The following PALLD variants were observed in gnomAD, a reference collection of about 807,000 sequenced individuals.
The protein encoded by PALLD is palladin.
PALLD carries 61 observed loss-of-function variants against 123.5 expected under a neutral mutation model. The observed-to-expected ratio is 0.49, with a 90% CI of 0.40 to 0.61. The LOEUF (loss-of-function observed/expected upper bound fraction) is 0.61. Among genes scored for constraint, PALLD ranks in the 20% least tolerant of loss-of-function variants. PALLD has a pLI of 0.00. For synonymous variants in PALLD, 465 were observed against 496.4 expected (o/e 0.94, Z 0.84); for missense variants, 1,273 against 1,377.0 (o/e 0.92, Z 1.20).
At chr4:168,914,144 A>G in intron 16 of PALLD, 123 bp downstream of exon 16, 1 of 718,580 alleles carries the variant, frequency 1.4e-6, no homozygotes, top group South Asian at 1.5e-5. Flanking sequence ...ATAGGAATGC[A>G]AACCTGAAGC....
chr4:168,889,152 G>A (rs1281908664), intron 10 of PALLD, among the ~76,000 whole-genome samples: 4 of 147,560 alleles, frequency 2.7e-5, no homozygotes, highest in Non-Finnish European at 6.0e-5. Context: ...GTGTGTGTGT[G>A]TGTGTGTGTG....
chr4:168,804,953 G>A (rs1462430541), intron 10 of PALLD, among the ~76,000 whole-genome samples: 2 of 152,158 alleles, frequency 1.3e-5, no homozygotes, highest in Non-Finnish European at 2.9e-5. Context: ...GAGGTCAGGA[G>A]TTCAAGACCA....
chr4:168,634,486 A>G (rs148416164), intron 2 of PALLD, among the ~76,000 whole-genome samples: 90 of 152,342 alleles, frequency 5.9e-4, no homozygotes, highest in African/African-American at 2.0e-3. Context: ...ATGTTGTGCT[A>G]TTCTGCAGCC....
At chr4:168,871,415 A>G (rs903711286) in intron 10 of PALLD, among the ~76,000 whole-genome samples, 3 of 152,200 alleles carry the variant, frequency 2.0e-5, no homozygotes, top group African/African-American at 7.2e-5. Context: ...TCTGTCTCAC[A>G]GGGAGCTTTT....
rs575761366 is a variant in PALLD, at chr4:168,886,435, A to G, written c.1965-4487A>G. Reference sequence around the variant, plus strand: ...AGCAGGAAGATCCCTTGAGCCCAGGAGTTTGAGACCAGCCTGGGCAACATA... The same window carrying G: ...AGCAGGAAGATCCCTTGAGCCCAGGGGTTTGAGACCAGCCTGGGCAACATA... On this transcript the variant is annotated intron_variant, in intron 10 of 21. Transcript: ENST00000505667. Among the ~76,000 whole-genome samples the G allele has an allele frequency of 5.4e-4, 83 of 152,300 alleles. 4 individuals carry two copies. The South Asian group carries it at 0.017, about 31-fold the overall frequency.
At chr4:168,793,566 C>G (rs907608653) in intron 10 of PALLD, among the ~76,000 whole-genome samples, 1 of 151,960 alleles carries the variant, frequency 6.6e-6, no homozygotes, top group Non-Finnish European at 1.5e-5. Flanking sequence ...CCTGGCTCTG[C>G]GACTCACTAG....
At position 168,594,969 on chromosome 4, in the gene PALLD, G is replaced by A. The variant is rs149199462; in HGVS notation, c.909-73221G>A. ...TCAATTAACAGAATCTTCTTACAGA[G>A]TAATCTATTTCATGTAAATGAATTA... is the stretch of plus-strand genomic sequence containing the variant. On this transcript the variant is annotated intron_variant, in intron 2 of 21. Coordinates refer to ENST00000505667, the MANE Select transcript of PALLD (RefSeq NM_001166108.2). 2.1e-3 allele frequency among the ~76,000 whole-genome samples: 318 copies of A among 152,264 alleles called. 3 individuals are homozygous for A. Among genetic ancestry groups the A allele is most frequent in the Middle Eastern group, 0.017 (5 of 294 alleles).
Position 168,711,809 on chromosome 4 carries a change from G to A in PALLD, c.1850G>A (p.Arg617His), listed in dbSNP as rs777840156. Residue 617 changes from arginine (R) to histidine (H), a missense_variant, in exon 10 of 22, where the codon CGT (arginine) becomes CAT (histidine). This residue lies in a region of PALLD where 944 missense variants were observed against 954.5 expected (regional missense o/e 0.99). Coordinates refer to ENST00000505667, the MANE Select transcript of PALLD (RefSeq NM_001166108.2). ...ERETNGVHPSRGVNGLINGKA... is the reference protein window; with the variant it reads ...ERETNGVHPSHGVNGLINGKA... ...GAAACGAACGGAGTCCATCCCAGCC[G>A]TGGAGTAAATGGACTGATTAACGGC... 3.6e-5 allele frequency: 58 copies of A among 1,613,966 alleles called. No homozygotes were observed. The highest frequency in any genetic ancestry group is 1.6e-4 in the Middle Eastern group (1 of 6,084).
At chr4:168,532,452 T>C (rs183197726) in intron 2 of PALLD, among the ~76,000 whole-genome samples, 58 of 152,294 alleles carry the variant, frequency 3.8e-4, no homozygotes, top group African/African-American at 1.3e-3. Context: ...AATGAATGAA[T>C]AGGACCAATC....
intron 2 of PALLD, among the ~76,000 whole-genome samples, chr4:168,599,832 C>T (rs1772366000): frequency 1.3e-5 from 2 of 151,974 alleles, no homozygotes; most frequent in Admixed American, 6.6e-5. Flanking sequence ...ATGTATGTAA[C>T]CATGAAATTT....
chr4:168,826,139 G>A (rs1179104610), intron 10 of PALLD, among the ~76,000 whole-genome samples: 1 of 152,130 alleles, frequency 6.6e-6, no homozygotes, highest in Admixed American at 6.5e-5. Context: ...GGAATCTGTG[G>A]ATGATTCCTT....
At chr4:168,576,521 A>T (rs1025887094) in intron 2 of PALLD, among the ~76,000 whole-genome samples, 3 of 152,118 alleles carry the variant, frequency 2.0e-5, no homozygotes, top group African/African-American at 7.2e-5. Flanking sequence ...TTTGCTGAGA[A>T]TGATGGTTTC....
intron 10 of PALLD, among the ~76,000 whole-genome samples, chr4:168,761,665 T>TGTAG (rs1732940654): frequency 7.8e-6 from 1 of 128,952 alleles, no homozygotes; most frequent in African/African-American, 3.1e-5. Flanking sequence ...TTTTTTTTTT[T>TGTAG]TTTTTTTTTT....
intron 17 of PALLD, among the ~76,000 whole-genome samples, chr4:168,917,902 A>C (rs1760532613): frequency 6.6e-6 from 1 of 152,064 alleles, no homozygotes; most frequent in Admixed American, 6.5e-5. Context: ...TATATATCCG[A>C]GGAAAATGAA....
At chr4:168,586,539 T>C (rs928281582) in intron 2 of PALLD, among the ~76,000 whole-genome samples, 4 of 152,138 alleles carry the variant, frequency 2.6e-5, no homozygotes, top group African/African-American at 7.2e-5. Flanking sequence ...CTGGTAAAAC[T>C]GAGATAGCCA....
At chr4:168,530,774 T>C (rs1764530503) in intron 2 of PALLD, 1 of 152,166 alleles carries the variant, frequency 6.6e-6, no homozygotes, top group Non-Finnish European at 1.5e-5. Context: ...AGAAGGCAGG[T>C]CATCTGGAAA....
chr4:168,762,878 A>G (rs554887388), intron 10 of PALLD, among the ~76,000 whole-genome samples: 1 of 152,348 alleles, frequency 6.6e-6, no homozygotes, highest in South Asian at 2.1e-4. Flanking sequence ...CTTTGCAGGG[A>G]TATGGATGAA....
rs116124226 is a variant in PALLD, at chr4:168,504,260, G to A, written c.-83+7066G>A. 1.8e-3 allele frequency among the ~76,000 whole-genome samples: 278 copies of A among 152,292 alleles called. 2 individuals carry two copies. Among genetic ancestry groups the A allele is most frequent in the African/African-American group, 6.3e-3 (261 of 41,566 alleles). Reference sequence around the variant, plus strand: ...GCCAAGGAAGAGTCATTTCCTCCATGGTGAAGAACATAATGCTACGCAACT... The same window carrying A: ...GCCAAGGAAGAGTCATTTCCTCCATAGTGAAGAACATAATGCTACGCAACT... On this transcript the variant is annotated intron_variant, in intron 1 of 21. Transcript: ENST00000505667.
chr4:168,845,458 G>T (rs770327498), intron 10 of PALLD, among the ~76,000 whole-genome samples: 2 of 151,934 alleles, frequency 1.3e-5, no homozygotes, highest in Non-Finnish European at 2.9e-5. Context: ...TACAACAATA[G>T]AAATAATACA....
Sources: allele counts gnomAD v4.1 joint callset (sites outside exome capture counted in the v4.1 genomes callset), GRCh38; gene constraint gnomAD v4.1.1; regional missense constraint gnomAD v4.1.1; transcripts MANE v1.5; gene names NCBI Gene and HGNC (gene_info 2026-07-23, HGNC 2026-07-21).